Variants in MROH1 observed in about 807,000 individuals in gnomAD.
MROH1 encodes the protein maestro heat like repeat family member 1, also known as maestro heat-like repeat-containing protein family member 1.
In MROH1, 117 loss-of-function variants were observed where a neutral mutation model predicts 116.5. The observed-to-expected ratio is 1.00, with a 90% CI of 0.86 to 1.17. The LOEUF (loss-of-function observed/expected upper bound fraction) is 1.17, where lower values mean the gene tolerates loss of function less well. Ranked by LOEUF, MROH1 falls within the 50% of genes most tolerant of loss-of-function variation. The pLI is 0.00. For synonymous variants in MROH1, 921 were observed against 583.9 expected (o/e 1.58, Z -8.32); for missense variants, 1,873 against 1,338.5 (o/e 1.40, Z -6.23).
At chr8:144,209,027 TTGTGTGTGTG>T (rs71320812) in intron 12 of MROH1, among the ~76,000 whole-genome samples, 5,859 of 141,652 alleles carry the variant, frequency 0.041, 193 homozygotes, top group South Asian at 0.064. Flanking sequence ...CTCGGCCATT[TTGTGTGTGTG>T]TGTGTGTGTG....
intron 4 of MROH1, among the ~76,000 whole-genome samples, chr8:144,175,918 A>ACG (rs1187883958): frequency 1.3e-5 from 2 of 152,156 alleles, no homozygotes; most frequent in African/African-American, 4.8e-5. Flanking sequence ...GCGTGGTGGC[A>ACG]CGCGCCTGTA....
chr8:144,170,547 G>A (rs767594057), intron 4 of MROH1, among the ~76,000 whole-genome samples: 17 of 152,176 alleles, frequency 1.1e-4, no homozygotes, highest in African/African-American at 3.9e-4. Flanking sequence ...GCTTGATTGC[G>A]TCTTGCCTAG....
chr8:144,206,089 G>A (rs1453056979), intron 12 of MROH1, among the ~76,000 whole-genome samples: 2 of 152,128 alleles, frequency 1.3e-5, no homozygotes, highest in East Asian at 1.9e-4. Flanking sequence ...GTGCTCTGTC[G>A]CCCAGGCTGG....
At chr8:144,152,127 G>A (rs1324864986) in intron 1 of MROH1, among the ~76,000 whole-genome samples, 1 of 152,200 alleles carries the variant, frequency 6.6e-6, no homozygotes, top group African/African-American at 2.4e-5. Flanking sequence ...AACTATAAAT[G>A]AAGCACAATA....
At chr8:144,240,516 C>T in intron 19 of MROH1, 54 bp from the exon 20 acceptor site, 1 of 711,970 alleles carries the variant, frequency 1.4e-6, no homozygotes, top group Non-Finnish European at 2.6e-6. Flanking sequence ...CAGGCTCCAG[C>T]CAGCCCTGTG....
chr8:144,156,731 GAATT>G (rs1818205263), intron 1 of MROH1, among the ~76,000 whole-genome samples: 1 of 81,470 alleles, frequency 1.2e-5, no homozygotes, highest in African/African-American at 4.1e-5. Context: ...AAAAAAAAAA[GAATT>G]TGCACATCTG....
intron 12 of MROH1, 84 bp from the exon 13 acceptor site, chr8:144,220,516 G>A: frequency 8.0e-7 from 1 of 1,257,052 alleles, no homozygotes; most frequent in Non-Finnish European, 1.1e-6. Flanking sequence ...GGACCACGGG[G>A]AAGCCAGGCC....
At chr8:144,215,116 A>C (rs1350443197) in intron 12 of MROH1, among the ~76,000 whole-genome samples, 1 of 152,146 alleles carries the variant, frequency 6.6e-6, no homozygotes, top group Non-Finnish European at 1.5e-5. Context: ...CTTTGGTGAC[A>C]CCCTCACAGA....
At position 144,240,187 on chromosome 8, in the gene MROH1, A is replaced by C. The variant is rs1440793140; in HGVS notation, c.1827+34A>C. 1.1e-5 allele frequency: 8 copies of C among 757,192 alleles called. No individual in the cohort carries two copies. In the African/African-American group the frequency reaches 1.2e-4, roughly 11 times the overall value. 46.9% of individuals were successfully genotyped at this position (757,192 alleles called of 1,614,324 possible). On this transcript the variant is annotated intron_variant, in intron 19 of 43. Coordinates refer to ENST00000326134, the MANE Select transcript of MROH1 (RefSeq NM_032450.3). ...CGGGGTACGGCCCATCCTGGGCCTT[A>C]AGGTGTTGTCTGGCCTGGGGGGTGC...
chr8:144,173,117 T>TC (rs1273286091), intron 4 of MROH1, among the ~76,000 whole-genome samples: 4 of 150,180 alleles, frequency 2.7e-5, no homozygotes, highest in Non-Finnish European at 1.5e-5. Flanking sequence ...TTTTTTTTTT[T>TC]TCCTGAGGCA....
intron 12 of MROH1, among the ~76,000 whole-genome samples, chr8:144,220,302 T>C (rs1468217384): frequency 1.3e-5 from 2 of 152,210 alleles, no homozygotes; most frequent in African/African-American, 2.4e-5. Context: ...GCTGTAGCGC[T>C]TGAGTACCAC....
intron 1 of MROH1, among the ~76,000 whole-genome samples, chr8:144,157,540 TG>T (rs1281931745): frequency 2.1e-5 from 3 of 145,536 alleles, no homozygotes; most frequent in South Asian, 4.1e-4. Context: ...CTAGGTTTTA[TG>T]GGAAGGTTTT....
At chr8:144,242,753 C>T (rs1290954386) in intron 24 of MROH1, 125 bp downstream of exon 24, 10 of 694,608 alleles carry the variant, frequency 1.4e-5, no homozygotes, top group African/African-American at 5.3e-5. Flanking sequence ...TCCTGGTCTC[C>T]GTCCCCAGGA....
Position 144,258,923 on chromosome 8 carries a change from G to A in MROH1, c.3929+9G>A, listed in dbSNP as rs1320250507. 9.5e-6 allele frequency: 7 copies of A among 734,766 alleles called. No individual in the cohort carries two copies. The highest frequency in any genetic ancestry group is 7.6e-6 in the Non-Finnish European group (3 of 395,814). The allele number at this position is 734,766 out of a possible 1,614,324, so 45.5% of individuals were successfully genotyped here. On this transcript the variant is annotated intron_variant, in intron 36 of 43. Transcript: ENST00000326134. Reference sequence around the variant, plus strand: ...GCCACCAGGTTGGCCAGGTGAGCGGGCCCAGCCCACTGCAGCTCCAGCACT... The same window carrying A: ...GCCACCAGGTTGGCCAGGTGAGCGGACCCAGCCCACTGCAGCTCCAGCACT...
At chr8:144,151,123 CT>C (rs1816645926) in intron 1 of MROH1, among the ~76,000 whole-genome samples, 1 of 151,808 alleles carries the variant, frequency 6.6e-6, no homozygotes, top group Non-Finnish European at 1.5e-5. Flanking sequence ...CGGTGGGCGC[CT>C]GTAATCCCAC....
In MROH1 at chr8:144,168,404, C is replaced by A; in HGVS notation, c.132C>A (p.Leu44=). The A allele has an allele frequency of 6.2e-7, 1 of 1,611,286 alleles. No homozygotes were observed. The highest frequency in any genetic ancestry group is 1.3e-5 in the African/African-American group (1 of 75,028). ...GGGAGGCGCGGCCGGTGGAGACGCT[C>A]CGTGCCTGCGAGGAGTATCTGCGGC... ...SLGEARPVET[L]RACEEYLRQH... The change falls in exon 4 of 44, where the codon CTC becomes CTA. Residue 44 remains leucine (L), a synonymous_variant. Coordinates refer to ENST00000326134, the MANE Select transcript of MROH1 (RefSeq NM_032450.3).
chr8:144,257,388 T>C (rs1335324499), intron 35 of MROH1, among the ~76,000 whole-genome samples: 1 of 152,126 alleles, frequency 6.6e-6, no homozygotes, highest in African/African-American at 2.4e-5. Flanking sequence ...GACAGTGGTA[T>C]ACTGGGAGCA....
intron 10 of MROH1, among the ~76,000 whole-genome samples, chr8:144,196,498 A>C (rs1829938600): frequency 6.6e-6 from 1 of 151,244 alleles, no homozygotes; most frequent in Non-Finnish European, 1.5e-5. Flanking sequence ...CTGGGATTAC[A>C]GGCGCATGCT....
intron 1 of MROH1, among the ~76,000 whole-genome samples, chr8:144,157,541 G>A (rs1234373236): frequency 6.9e-6 from 1 of 145,484 alleles, no homozygotes; most frequent in Admixed American, 6.6e-5. Context: ...TAGGTTTTAT[G>A]GGAAGGTTTT....
Sources: gnomAD v4.1 joint callset for allele counts (sites outside exome capture counted in the v4.1 genomes callset) on GRCh38, gnomAD v4.1.1 for gene constraint, MANE v1.5 for transcripts, NCBI Gene and HGNC (gene_info 2026-07-23, HGNC 2026-07-21) for gene names.